The following CUX2 variants were observed in gnomAD, a reference collection of about 807,000 sequenced individuals.
CUX2 encodes homeobox protein cut-like 2.
Under a neutral mutation model 144.8 loss-of-function variants are expected in CUX2, and 40 were observed. The ratio of observed to expected loss-of-function variants is 0.28; its 90% CI spans 0.21 to 0.36. CUX2 has a LOEUF of 0.36. Ranked by LOEUF, CUX2 falls within the 10% of genes least tolerant of loss-of-function variation. CUX2 has a pLI of 1.00. For synonymous variants in CUX2, 827 were observed against 875.6 expected (o/e 0.94, Z 0.98); for missense variants, 1,615 against 1,994.0 (o/e 0.81, Z 3.62).
At chr12:111,319,568 C>T (rs1241806878) in intron 16 of CUX2, among the ~76,000 whole-genome samples, 1 of 152,128 alleles carries the variant, frequency 6.6e-6, no homozygotes, top group African/African-American at 2.4e-5. Context: ...AAAACCCTGT[C>T]TCTACTAAAG....
chr12:111,055,947 G>C (rs547395471), intron 1 of CUX2, among the ~76,000 whole-genome samples: 64 of 152,358 alleles, frequency 4.2e-4, no homozygotes, highest in Non-Finnish European at 6.6e-4. Context: ...TCCTGAGCAG[G>C]CCACTTAGCT....
At chr12:111,309,628 T>C (rs1485688512) in intron 14 of CUX2, among the ~76,000 whole-genome samples, 1 of 141,568 alleles carries the variant, frequency 7.1e-6, no homozygotes, top group African/African-American at 2.6e-5. Context: ...CCTTCCTCTA[T>C]TTCTGACTTT....
rs374878025 is a variant in CUX2 at position 111,292,244 on chromosome 12, G to A, written c.436+692G>A. Among the ~76,000 whole-genome samples, 37 of 152,278 alleles carry A rather than the reference G, an allele frequency of 2.4e-4. 1 individual carries two copies. Among genetic ancestry groups the A allele is most frequent in the East Asian group, 2.3e-3 (12 of 5,188 alleles). On this transcript the variant is annotated intron_variant, in intron 5 of 21. Transcript: ENST00000261726. ...ATATCCATAGAATGGAATATTACTC[G>A]GCCATGAAAAGGAAAGAAGCACTGA...
intron 3 of CUX2, among the ~76,000 whole-genome samples, chr12:111,233,293 A>G (rs928722326): frequency 3.3e-5 from 5 of 151,842 alleles, no homozygotes; most frequent in Non-Finnish European, 5.9e-5. Flanking sequence ...TTGCCTCCCT[A>G]CCCTTGCAGA....
intron 1 of CUX2, among the ~76,000 whole-genome samples, chr12:111,094,507 T>A (rs1284068791): frequency 6.6e-6 from 1 of 152,220 alleles, no homozygotes; most frequent in Non-Finnish European, 1.5e-5. Flanking sequence ...AGCATCCACC[T>A]TTTTTCTTTG....
At chr12:111,098,647 A>C (rs1872993647) in intron 1 of CUX2, among the ~76,000 whole-genome samples, 1 of 152,202 alleles carries the variant, frequency 6.6e-6, no homozygotes, top group African/African-American at 2.4e-5. Flanking sequence ...TAACGGGGGA[A>C]TGGCCGGAGG....
Position 111,160,178 on chromosome 12 carries a change from G to A in CUX2, c.64-54022G>A, listed in dbSNP as rs1051894413. 8.5e-5 allele frequency among the ~76,000 whole-genome samples: 13 copies of A among 152,202 alleles called. No homozygotes were observed. Among genetic ancestry groups the A allele is most frequent in the Non-Finnish European group, 1.5e-4 (10 of 68,030 alleles). ...TCTCCTGGGACAGGCAGCATAGGAC[G>A]GGGCTAGGGGGACATTTGCTAAGCA... On this transcript the variant is annotated intron_variant, in intron 1 of 21. Coordinates refer to ENST00000261726, the MANE Select transcript of CUX2 (RefSeq NM_015267.4). The surrounding 1 kb of genome is among the most constrained non-coding windows in gnomAD (Gnocchi z 4.1).
intron 1 of CUX2, among the ~76,000 whole-genome samples, chr12:111,179,261 T>C (rs980394079): frequency 6.6e-6 from 1 of 152,142 alleles, no homozygotes; most frequent in African/African-American, 2.4e-5. Flanking sequence ...CCTGTTTAAA[T>C]CACTTCCCCT....
At chr12:111,189,673 TCAAA>T (rs1286787952) in intron 1 of CUX2, among the ~76,000 whole-genome samples, 1 of 152,210 alleles carries the variant, frequency 6.6e-6, no homozygotes, top group Non-Finnish European at 1.5e-5. Flanking sequence ...CCAGCGCTTC[TCAAA>T]CGTTAATGTA....
intron 4 of CUX2, among the ~76,000 whole-genome samples, chr12:111,268,095 C>T (rs1457565128): frequency 6.6e-6 from 1 of 151,762 alleles, no homozygotes; most frequent in Non-Finnish European, 1.5e-5. Context: ...CTGTACCCAA[C>T]CTCCTTTCTC....
In CUX2 at chr12:111,121,382, T is replaced by C. The variant is rs1363475491; in HGVS notation, c.63+87142T>C. 4.8e-3 allele frequency among the ~76,000 whole-genome samples: 655 copies of C among 136,564 alleles called. 3 individuals carry two copies. Among genetic ancestry groups the C allele is most frequent in the Non-Finnish European group, 7.4e-3 (471 of 63,976 alleles). 89.6% of individuals were successfully genotyped at this position (136,564 alleles called of 152,430 possible). ...CTTTTCTTTTTTCTTTTTTTTTTTT[T>C]TTTTTTTTTTTTGAGACGGATTCTT... On this transcript the variant is annotated intron_variant, in intron 1 of 21. Transcript: ENST00000261726.
chr12:111,145,650 G>C (rs1592937762), intron 1 of CUX2, among the ~76,000 whole-genome samples: 1 of 152,068 alleles, frequency 6.6e-6, no homozygotes, highest in African/African-American at 2.4e-5. Flanking sequence ...TTACAGGCTA[G>C]AGCCACCATG....
chr12:111,145,591 T>C (rs150136052), intron 1 of CUX2, among the ~76,000 whole-genome samples: 1 of 152,110 alleles, frequency 6.6e-6, no homozygotes, highest in Non-Finnish European at 1.5e-5. Context: ...TGGTCTTGAA[T>C]TCCTAGCCTC....
At chr12:111,245,018 T>A (rs1023142074) in intron 3 of CUX2, among the ~76,000 whole-genome samples, 2 of 152,130 alleles carry the variant, frequency 1.3e-5, no homozygotes, top group Non-Finnish European at 2.9e-5. Flanking sequence ...CTGCTTGTCT[T>A]TGAGAAACAG....
At chr12:111,319,261 C>G (rs1452808066) in intron 16 of CUX2, among the ~76,000 whole-genome samples, 2 of 151,352 alleles carry the variant, frequency 1.3e-5, no homozygotes, top group Admixed American at 1.3e-4. Context: ...CCAGCCTGGG[C>G]AACATGGCAA....
At chr12:111,097,789 C>T (rs1057273788) in intron 1 of CUX2, among the ~76,000 whole-genome samples, 3 of 152,254 alleles carry the variant, frequency 2.0e-5, no homozygotes, top group African/African-American at 7.2e-5. Context: ...TGTTTTGTAC[C>T]TGGGGCACAG....
Position 111,316,376 on chromosome 12 carries a change from C to A in CUX2, c.2003-3636C>A. ...GGTCAGGCTGGTCTCAATCTCCTGA[C>A]CTCAGATGATCCGCCTGCCTCAACC... On this transcript the variant is annotated intron_variant, in intron 16 of 21. Transcript: ENST00000261726. 1.3e-5 allele frequency among the ~76,000 whole-genome samples: 2 copies of A among 148,280 alleles called. 1 individual carries two copies.
chr12:111,258,373 C>T (rs552628921), intron 3 of CUX2, among the ~76,000 whole-genome samples: 3 of 152,138 alleles, frequency 2.0e-5, no homozygotes, highest in African/African-American at 7.2e-5. Flanking sequence ...ATTAGCCAGG[C>T]GTGGTAGTGC....
chr12:111,249,445 GTT>G (rs58383341), intron 3 of CUX2, among the ~76,000 whole-genome samples: 3 of 63,392 alleles, frequency 4.7e-5, no homozygotes, highest in Non-Finnish European at 6.5e-5. Flanking sequence ...CCCTTTTTTT[GTT>G]TTTTTTTTTT....
Sources: allele counts gnomAD v4.1 joint callset (sites outside exome capture counted in the v4.1 genomes callset), GRCh38; gene constraint gnomAD v4.1.1; non-coding constraint Gnocchi (gnomAD v3.1); transcripts MANE v1.5; gene names NCBI Gene and HGNC (gene_info 2026-07-23, HGNC 2026-07-21).